The following SHISA9 variants were observed in gnomAD, a reference collection of about 807,000 sequenced individuals.
SHISA9 encodes protein shisa-9.
Under a neutral mutation model 38.0 loss-of-function variants are expected in SHISA9, and 13 were observed. The ratio of observed to expected loss-of-function variants is 0.34; its 90% CI spans 0.22 to 0.54. SHISA9 has a LOEUF of 0.54. Ranked by LOEUF, SHISA9 falls within the 20% of genes least tolerant of loss-of-function variation. The probability of loss-of-function intolerance (pLI) is 0.91; values close to 1 mark genes in which losing one functional copy is unlikely to be tolerated. For missense variants in SHISA9, 538 were observed against 575.8 expected, an observed-to-expected ratio of 0.93 and a Z score of 0.67; for synonymous variants, 275 against 242.0, an observed-to-expected ratio of 1.14 and a Z score of -1.27.
chr16:13,193,837 G>A (rs893659764), intron 2 of SHISA9, among the ~76,000 whole-genome samples: 1 of 152,130 alleles, frequency 6.6e-6, no homozygotes, highest in Non-Finnish European at 1.5e-5. Context: ...CAGAGTTATT[G>A]GGGAGTGCCA....
chr16:12,952,773 C>A (rs531111291), intron 2 of SHISA9, among the ~76,000 whole-genome samples: 1 of 152,284 alleles, frequency 6.6e-6, no homozygotes, highest in East Asian at 1.9e-4. Flanking sequence ...CCTGCAGCTT[C>A]CCCAGCCATG....
chr16:13,059,228 T>G (rs542083834), intron 2 of SHISA9, among the ~76,000 whole-genome samples: 2 of 148,656 alleles, frequency 1.3e-5, no homozygotes, highest in East Asian at 4.1e-4. Context: ...CCCGGGTTCA[T>G]GCCATTCTCT....
At chr16:13,385,380 C>T in the SHISA9 span, among the ~76,000 whole-genome samples, 16 of 152,072 alleles carry the variant, frequency 1.1e-4, no homozygotes, top group East Asian at 1.7e-3. Flanking sequence ...TAGCCCCAAA[C>T]GGAAGCAATC....
the SHISA9 span, among the ~76,000 whole-genome samples, chr16:13,469,343 AAAGAAAGAAAGAAAGAAAAGAAAAAG>A: frequency 7.7e-5 from 10 of 130,648 alleles, no homozygotes; most frequent in African/African-American, 2.9e-4. Context: ...AGAAAGAAAG[AAAGAAAGAAAGAAAGAAAAGAAAAAG>A]AAAGAAAGAA....
chr16:13,330,410 T>A, the SHISA9 span, among the ~76,000 whole-genome samples: 1 of 152,228 alleles, frequency 6.6e-6, no homozygotes, highest in South Asian at 2.1e-4. Context: ...ATAGGTACTA[T>A]AAAAGGATAT....
intron 2 of SHISA9, among the ~76,000 whole-genome samples, chr16:12,924,288 A>T (rs1014615721): frequency 3.3e-5 from 5 of 152,208 alleles, no homozygotes; most frequent in Admixed American, 3.3e-4. Context: ...TGCTTTATTC[A>T]TCCCTGTATT....
chr16:13,437,919 G>T, the SHISA9 span, among the ~76,000 whole-genome samples: 2 of 147,120 alleles, frequency 1.4e-5, no homozygotes, highest in African/African-American at 5.1e-5. Flanking sequence ...AGGCTGGAGT[G>T]CAGTGACGTG....
intron 2 of SHISA9, among the ~76,000 whole-genome samples, chr16:13,151,994 C>T (rs577186246): frequency 1.7e-4 from 26 of 152,176 alleles, no homozygotes; most frequent in South Asian, 8.3e-4. Flanking sequence ...TCATTTCTGC[C>T]GCCTTTACCT....
At chr16:12,970,007 G>A (rs2072034168) in intron 2 of SHISA9, among the ~76,000 whole-genome samples, 1 of 151,830 alleles carries the variant, frequency 6.6e-6, no homozygotes, top group Non-Finnish European at 1.5e-5. Context: ...ATGAGATGGG[G>A]AGAGGCACAC....
the SHISA9 span, among the ~76,000 whole-genome samples, chr16:13,482,743 A>G: frequency 9.9e-5 from 15 of 151,180 alleles, no homozygotes; most frequent in African/African-American, 3.6e-4. Context: ...CAAGGCTGCA[A>G]TGAGCCCTTT....
intron 2 of SHISA9, among the ~76,000 whole-genome samples, chr16:13,071,421 A>T (rs540261060): frequency 6.6e-6 from 1 of 152,296 alleles, no homozygotes; most frequent in South Asian, 2.1e-4. Context: ...CATTTTACAG[A>T]TAAAGTAGCT....
At chr16:13,220,357 A>G (rs1029406376) in intron 4 of SHISA9, among the ~76,000 whole-genome samples, 3 of 152,142 alleles carry the variant, frequency 2.0e-5, no homozygotes, top group African/African-American at 7.2e-5. Context: ...CAAGAGAGAA[A>G]TTCAAACCAG....
the SHISA9 span, among the ~76,000 whole-genome samples, chr16:13,549,667 A>G: frequency 2.0e-4 from 30 of 152,170 alleles, no homozygotes; most frequent in Non-Finnish European, 4.0e-4. Context: ...AAACAGAGTG[A>G]TCTTTTAGGA....
chr16:12,905,914 G>T (rs2071086651), intron 1 of SHISA9, among the ~76,000 whole-genome samples: 1 of 152,160 alleles, frequency 6.6e-6, no homozygotes, highest in Admixed American at 6.5e-5. Flanking sequence ...TTTGTATTCT[G>T]TTGCTTGTTT....
rs549314395 is a variant in SHISA9 at position 13,037,022 on chromosome 16, A to G, written c.691+120207A>G. Reference sequence around the variant, plus strand: ...GTTGAGAAATCAGGCATTGTTCTCAATGTAATTTTGTAAGTAAAAGGAAAG... The same window carrying G: ...GTTGAGAAATCAGGCATTGTTCTCAGTGTAATTTTGTAAGTAAAAGGAAAG... On this transcript the variant is annotated intron_variant, in intron 2 of 4. Coordinates refer to ENST00000558583, the MANE Select transcript of SHISA9 (RefSeq NM_001145204.3). Among the ~76,000 whole-genome samples, 23 of 150,864 alleles carry G rather than the reference A, an allele frequency of 1.5e-4. 1 individual carries two copies. Among genetic ancestry groups the G allele is most frequent in the African/African-American group, 4.9e-4 (20 of 41,134 alleles).
At chr16:13,198,475 C>T (rs1307489861) in intron 2 of SHISA9, among the ~76,000 whole-genome samples, 1 of 152,234 alleles carries the variant, frequency 6.6e-6, no homozygotes, top group Admixed American at 6.5e-5. Context: ...TTGGCAAGGG[C>T]AGGATTTGCA....
At chr16:13,092,546 G>T (rs1021795149) in intron 2 of SHISA9, among the ~76,000 whole-genome samples, 1 of 152,214 alleles carries the variant, frequency 6.6e-6, no homozygotes, top group African/African-American at 2.4e-5. Flanking sequence ...CTCTCTCCCA[G>T]CCAGGCTGCC....
At chr16:13,421,321 G>A in the SHISA9 span, among the ~76,000 whole-genome samples, 1 of 152,190 alleles carries the variant, frequency 6.6e-6, no homozygotes, top group South Asian at 2.1e-4. Flanking sequence ...GGAAGAAAAA[G>A]AGGTGTAATT....
At chr16:13,096,552 G>T (rs899379926) in intron 2 of SHISA9, among the ~76,000 whole-genome samples, 17 of 152,260 alleles carry the variant, frequency 1.1e-4, no homozygotes, top group African/African-American at 3.6e-4. Flanking sequence ...AGAAGATGGG[G>T]AAGGTTGATA....
Sources: gnomAD v4.1 joint callset for allele counts (sites outside exome capture counted in the v4.1 genomes callset) on GRCh38, gnomAD v4.1.1 for gene constraint, MANE v1.5 for transcripts, NCBI Gene and HGNC (gene_info 2026-07-23, HGNC 2026-07-21) for gene names.